Variants in RANBP6 observed in about 807,000 individuals in gnomAD.
RANBP6 encodes RAN binding protein 6, also known as ran-binding protein 6.
In RANBP6, 10 loss-of-function variants were observed where a neutral mutation model predicts 35.3. The observed-to-expected ratio is 0.28, with a 90% confidence interval of 0.17 to 0.48. RANBP6 has a LOEUF of 0.48. RANBP6 is among the 20% of genes least tolerant of loss of function. The pLI is 0.99. For synonymous variants in RANBP6, 514 were observed against 464.2 expected, an observed-to-expected ratio of 1.11 and a Z score of -1.38; for missense variants, 1,392 against 1,307.7, an observed-to-expected ratio of 1.06 and a Z score of -0.99.
At position 6,013,331 on chromosome 9, in the gene RANBP6, G is replaced by A; in HGVS notation, c.2277C>T (p.Asp759=). 6.2e-7 allele frequency: 1 copy of A among 1,614,106 alleles called. No homozygotes were observed. The highest frequency in any genetic ancestry group is 8.5e-7 in the Non-Finnish European group (1 of 1,179,988). Residue 759 remains aspartate, a synonymous_variant, in exon 1 of 1, where the codon GAC becomes GAT. Coordinates refer to ENST00000259569, the MANE Select transcript of RANBP6 (RefSeq NM_012416.4). ...YLAQMWQFIC[D]PLIKAIGTEP... ...CAGTACCAATAGCCTTGATTAAGGGGTCACATATGAATTGCCACATCTGTG... is the reference window on the plus strand; with the variant it reads ...CAGTACCAATAGCCTTGATTAAGGGATCACATATGAATTGCCACATCTGTG...
chr9:6,014,513 T>C lies in RANBP6; in HGVS notation c.1095A>G (p.Pro365=), dbSNP rs1842538798. 1 of 1,614,200 alleles carries C rather than the reference T, an allele frequency of 6.2e-7. No individual in the cohort carries two copies. Among genetic ancestry groups the C allele is most frequent in the Non-Finnish European group, 8.5e-7 (1 of 1,180,030 alleles). Reference sequence around the variant, plus strand: ...TCTGCATGATATGCTCCTTGGTCATTGGTAAAACAACTTTTCCACCAAGCC... The same window carrying C: ...TCTGCATGATATGCTCCTTGGTCATCGGTAAAACAACTTTTCCACCAAGCC... ...ACGLGGKVVL[P]MTKEHIMQML... Residue 365 remains proline (P), a synonymous_variant, in exon 1 of 1, where the codon CCA becomes CCG. Transcript: ENST00000259569.
At position 6,015,305 on chromosome 9, in the gene RANBP6, C is replaced by G; in HGVS notation, c.303G>C (p.Leu101=). Residue 101 remains leucine (L), a synonymous_variant, in exon 1 of 1, where the codon CTG becomes CTC. Transcript: ENST00000259569. ...GTGTTTCTAACTTAACAGCCAGAATCAGTTCAATCTTGACATCTCTCTGAA... is the reference window on the plus strand; with the variant it reads ...GTGTTTCTAACTTAACAGCCAGAATGAGTTCAATCTTGACATCTCTCTGAA... ...ADVQRDVKIE[L]ILAVKLETHA... The G allele has an allele frequency of 6.2e-7, 1 of 1,614,212 alleles. No individual in the cohort carries two copies. The highest frequency in any genetic ancestry group is 8.5e-7 in the Non-Finnish European group (1 of 1,180,048).
chr9:6,014,580 T>C lies in RANBP6; in HGVS notation c.1028A>G (p.Asn343Ser). The change falls in exon 1 of 1, where the codon AAT (asparagine) becomes AGT (serine). Residue 343 changes from asparagine to serine, a missense_variant. Physicochemically the swap from Asn to Ser is conservative, Grantham distance 46 (BLOSUM62 1). Coordinates refer to ENST00000259569, the MANE Select transcript of RANBP6 (RefSeq NM_012416.4). ...TAGTGCACTCTCCGCAGCAACTGCATTGCTGTCAAAATCATCTTCTTCCAT... is the reference window on the plus strand; with the variant it reads ...TAGTGCACTCTCCGCAGCAACTGCACTGCTGTCAAAATCATCTTCTTCCAT... ...DEMEEDDFDS[N>S]AVAAESALDR... The C allele has an allele frequency of 6.2e-7, 1 of 1,614,220 alleles. No individual in the cohort carries two copies. Among genetic ancestry groups the C allele is most frequent in the Non-Finnish European group, 8.5e-7 (1 of 1,180,044 alleles).
At position 6,012,534 on chromosome 9, in the gene RANBP6, C is replaced by G; in HGVS notation, c.3074G>C (p.Cys1025Ser). Reference protein sequence around the residue: ...EEAIQTLSFLCDLIESNHPVV... With the variant: ...EEAIQTLSFLSDLIESNHPVV... ...TGGGTGGTTACTTTCAATTAGGTCA[C>G]AGAGAAAACTCAAAGTCTGAATAGC... The change falls in exon 1 of 1, where the codon TGT (cysteine) becomes TCT (serine). Residue 1025 changes from cysteine to serine, a missense_variant. Coordinates refer to ENST00000259569, the MANE Select transcript of RANBP6 (RefSeq NM_012416.4). 1 of 1,613,090 alleles carries G rather than the reference C, an allele frequency of 6.2e-7. No homozygotes were observed. The highest frequency in any genetic ancestry group is 8.5e-7 in the Non-Finnish European group (1 of 1,179,666).
Position 6,013,948 on chromosome 9 carries a change from C to T in RANBP6, c.1660G>A (p.Val554Ile), listed in dbSNP as rs1404247317. The T allele has an allele frequency of 6.2e-7, 1 of 1,613,908 alleles. No homozygotes were observed. Among genetic ancestry groups the T allele is most frequent in the South Asian group, 1.1e-5 (1 of 91,082 alleles). The part of the protein sequence containing the change: ...PSLKHIVELA[V>I]QKELKLLRGK... ...CTCAGAAGCTTGAGTTCCTTCTGAA[C>T]AGCAAGCTCAACAATGTGCTTTAGT... is the stretch of plus-strand genomic sequence containing the variant. The change falls in exon 1 of 1, where the codon GTT (valine) becomes ATT (isoleucine). Residue 554 changes from valine (V) to isoleucine (I), a missense_variant. Val to Ile is a conservative substitution (Grantham distance 29). Transcript: ENST00000259569.
At position 6,013,867 on chromosome 9, in the gene RANBP6, A is replaced by T. The variant is rs1161004794; in HGVS notation, c.1741T>A (p.Phe581Ile). Residue 581 changes from phenylalanine to isoleucine, a missense_variant, in exon 1 of 1, where the codon TTT (phenylalanine) becomes ATT (isoleucine). Transcript: ENST00000259569. ...HIGLAVGKEK[F>I]MQDASNVMQL... is the part of the protein sequence containing the mutation. ...ATCACATTTGATGCATCTTGCATAAATTTTTCCTTCCCAACAGCAAGACCA... is the reference window on the plus strand; with the variant it reads ...ATCACATTTGATGCATCTTGCATAATTTTTTCCTTCCCAACAGCAAGACCA... 1 of 1,613,696 alleles carries T rather than the reference A, an allele frequency of 6.2e-7. No homozygotes were observed. Among genetic ancestry groups the T allele is most frequent in the East Asian group, 2.2e-5 (1 of 44,886 alleles).
Position 6,012,419 on chromosome 9 carries a change from A to C in RANBP6, c.3189T>G (p.Asp1063Glu). 1 of 1,614,024 alleles carries C rather than the reference A, an allele frequency of 6.2e-7. No individual in the cohort carries two copies. Among genetic ancestry groups the C allele is most frequent in the Non-Finnish European group, 8.5e-7 (1 of 1,179,932 alleles). Residue 1063 changes from aspartate to glutamate, a missense_variant, in exon 1 of 1, where the codon GAT (aspartate) becomes GAG (glutamate). By Grantham distance (45) the Asp-to-Glu change is conservative (BLOSUM62 2). Transcript: ENST00000259569. Reference sequence around the variant, plus strand: ...CATTAGCTAGGCGTTTGGCACAAGGATCCTCATAGTTAATAGTCTCATTAA... The same window carrying C: ...CATTAGCTAGGCGTTTGGCACAAGGCTCCTCATAGTTAATAGTCTCATTAA... ...GKINETINYE[D>E]PCAKRLANVV...
Position 6,011,651 on chromosome 9 carries a change from G to A in RANBP6, c.*639C>T, listed in dbSNP as rs1842473187. On this transcript the variant is annotated 3_prime_UTR_variant, in exon 1 of 1. Coordinates refer to ENST00000259569, the MANE Select transcript of RANBP6 (RefSeq NM_012416.4). ...GTCCTGGATAACTTAAAAAAATAGAGACCTGTCTGGCTAAAGAAATTTAAA... is the reference window on the plus strand; with the variant it reads ...GTCCTGGATAACTTAAAAAAATAGAAACCTGTCTGGCTAAAGAAATTTAAA... 6.6e-6 allele frequency: 1 copy of A among 152,122 alleles called. No individual in the cohort carries two copies. Among genetic ancestry groups the A allele is most frequent in the Non-Finnish European group, 1.5e-5 (1 of 68,022 alleles). 9.4% of individuals were successfully genotyped at this position (152,122 alleles called of 1,614,324 possible).
rs370481663 is a variant in RANBP6 at position 6,014,717 on chromosome 9, A to C, written c.891T>G (p.Thr297=). 77 of 1,614,076 alleles carry C rather than the reference A, an allele frequency of 4.8e-5. No individual in the cohort carries two copies. Among genetic ancestry groups the C allele is most frequent in the Middle Eastern group, 3.3e-4 (2 of 6,084 alleles). The change falls in exon 1 of 1, where the codon ACT becomes ACG. Residue 297 remains threonine, a synonymous_variant. Coordinates refer to ENST00000259569, the MANE Select transcript of RANBP6 (RefSeq NM_012416.4). ...TATGTTTTTTCAACATCGGAGTGGC[A>C]GTTTCAGACAAGGTCACTATAACTT... is the stretch of plus-strand genomic sequence containing the variant. The part of the protein sequence containing the change: ...ALEVIVTLSE[T]ATPMLKKHTN...
rs1231494822 is a variant in RANBP6, at chr9:6,012,823, C to A, written c.2785G>T (p.Val929Phe). 2 of 1,614,104 alleles carry A rather than the reference C, an allele frequency of 1.2e-6. No individual in the cohort carries two copies. Residue 929 changes from valine (V) to phenylalanine (F), a missense_variant, in exon 1 of 1, where the codon GTC (valine) becomes TTC (phenylalanine). Transcript: ENST00000259569. ...LLNMRDNNPE[V>F]RQAAAYGLGV... ...AGGCCATAAGCAGCAGCTTGCCTGA[C>A]TTCAGGGTTGTTATCTCGCATATTT... is the stretch of plus-strand genomic sequence containing the variant.
Position 6,014,599 on chromosome 9 carries a change from C to T in RANBP6, c.1009G>A (p.Glu337Lys). The T allele has an allele frequency of 6.2e-7, 1 of 1,614,206 alleles. No homozygotes were observed. The highest frequency in any genetic ancestry group is 1.1e-5 in the South Asian group (1 of 91,086). Residue 337 changes from glutamate (E) to lysine (K), a missense_variant, in exon 1 of 1, where the codon GAA becomes AAA. Coordinates refer to ENST00000259569, the MANE Select transcript of RANBP6 (RefSeq NM_012416.4). Reference protein sequence around the residue: ...EDWVNADEMEEDDFDSNAVAA... With the variant: ...EDWVNADEMEKDDFDSNAVAA... The stretch of plus-strand genomic sequence containing the variant: ...ACTGCATTGCTGTCAAAATCATCTT[C>T]TTCCATTTCATCAGCATTTACCCAG...
rs1028849903 is a variant in RANBP6, at chr9:6,015,522, G to A, written c.86C>T (p.Pro29Leu). Residue 29 changes from proline (P) to leucine (L), a missense_variant, in exon 1 of 1, where the codon CCA becomes CTA. Physicochemically the swap from Pro to Leu is moderately conservative, Grantham distance 98. Coordinates refer to ENST00000259569, the MANE Select transcript of RANBP6 (RefSeq NM_012416.4). ...FYQLLKNLIN[P>L]SCMVRRQAEE... ...TGCTTGCCTCCGCACCATACAGCTT[G>A]GATTGATCAGGTTCTTCAGAAGCTG... The A allele has an allele frequency of 2.0e-5, 33 of 1,613,046 alleles. No homozygotes were observed. Among genetic ancestry groups the A allele is most frequent in the Non-Finnish European group, 2.5e-5 (30 of 1,180,032 alleles).
chr9:6,013,277 T>A lies in RANBP6; in HGVS notation c.2331A>T (p.Ile777=), dbSNP rs541222073. 32 of 1,614,196 alleles carry A rather than the reference T, an allele frequency of 2.0e-5. No homozygotes were observed. In the East Asian group the frequency reaches 6.7e-4, roughly 34 times the overall value. The stretch of plus-strand genomic sequence containing the variant: ...CAATGGACTTTGCAAAAGAATTCAT[T>A]ATTTCTGAGAGCACATCTGTATCTG... The part of the protein sequence containing the change: ...TEPDTDVLSE[I]MNSFAKSIEV... Residue 777 remains isoleucine, a synonymous_variant, in exon 1 of 1, where the codon ATA becomes ATT. Transcript: ENST00000259569.
Position 6,012,225 on chromosome 9 carries a change from C to T in RANBP6, c.*65G>A. On this transcript the variant is annotated 3_prime_UTR_variant, in exon 1 of 1. Coordinates refer to ENST00000259569, the MANE Select transcript of RANBP6 (RefSeq NM_012416.4). Reference sequence around the variant, plus strand: ...ACAGTTCTCTGATTTATAATAAAATCTATTCACAACACTTATTTGTAGTTA... The same window carrying T: ...ACAGTTCTCTGATTTATAATAAAATTTATTCACAACACTTATTTGTAGTTA... 1.7e-6 allele frequency: 2 copies of T among 1,188,156 alleles called. No homozygotes were observed. Among genetic ancestry groups the T allele is most frequent in the Non-Finnish European group, 2.3e-6 (2 of 871,276 alleles). The allele number at this position is 1,188,156 out of a possible 1,614,324, so 73.6% of individuals were successfully genotyped here. A position where few individuals can be genotyped will look rare whatever the true frequency, so the allele number is the denominator to read the frequency against.
chr9:6,012,719 A>T lies in RANBP6; in HGVS notation c.2889T>A (p.Ile963=). Reference sequence around the variant, plus strand: ...TTTTGGTTTTGGAATTTGCACACTTAATAACTTTTACCAGAAGTGGAACAG... The same window carrying T: ...TTTTGGTTTTGGAATTTGCACACTTTATAACTTTTACCAGAAGTGGAACAG... ...SEAVPLLVKV[I]KCANSKTKKN... The change falls in exon 1 of 1, where the codon ATT becomes ATA. Residue 963 remains isoleucine (I), a synonymous_variant. Coordinates refer to ENST00000259569, the MANE Select transcript of RANBP6 (RefSeq NM_012416.4). 1 of 1,614,142 alleles carries T rather than the reference A, an allele frequency of 6.2e-7. No individual in the cohort carries two copies. Among genetic ancestry groups the T allele is most frequent in the Non-Finnish European group, 8.5e-7 (1 of 1,180,020 alleles).
In RANBP6 at chr9:6,012,259, A is replaced by C; in HGVS notation, c.*31T>G. 1 of 1,408,656 alleles carries C rather than the reference A, an allele frequency of 7.1e-7. No individual in the cohort carries two copies. Among genetic ancestry groups the C allele is most frequent in the Non-Finnish European group, 9.5e-7 (1 of 1,049,082 alleles). 87.3% of individuals were successfully genotyped at this position (1,408,656 alleles called of 1,614,324 possible). On this transcript the variant is annotated 3_prime_UTR_variant, in exon 1 of 1. Transcript: ENST00000259569. ...ACACTTATTTGTAGTTACTTTTATAATAGATAATATTCAAGTTATATTAAA... is the reference window on the plus strand; with the variant it reads ...ACACTTATTTGTAGTTACTTTTATACTAGATAATATTCAAGTTATATTAAA...
chr9:6,014,562 C>T lies in RANBP6; in HGVS notation c.1046G>A (p.Ser349Asn). ...DFDSNAVAAE[S>N]ALDRLACGLG... ...CCCACAAGCCAGTCTGTCTAGTGCA[C>T]TCTCCGCAGCAACTGCATTGCTGTC... The change falls in exon 1 of 1, where the codon AGT becomes AAT. Residue 349 changes from serine (S) to asparagine (N), a missense_variant. Coordinates refer to ENST00000259569, the MANE Select transcript of RANBP6 (RefSeq NM_012416.4). 1 of 1,614,222 alleles carries T rather than the reference C, an allele frequency of 6.2e-7. No homozygotes were observed. Among genetic ancestry groups the T allele is most frequent in the Non-Finnish European group, 8.5e-7 (1 of 1,180,040 alleles).
Position 6,014,736 on chromosome 9 carries a change from A to C in RANBP6, c.872T>G (p.Ile291Arg), listed in dbSNP as rs375333354. The C allele has an allele frequency of 6.2e-7, 1 of 1,614,180 alleles. No homozygotes were observed. The highest frequency in any genetic ancestry group is 8.5e-7 in the Non-Finnish European group (1 of 1,180,042). The change falls in exon 1 of 1, where the codon ATA becomes AGA. Residue 291 changes from isoleucine (I) to arginine (R), a missense_variant. Coordinates refer to ENST00000259569, the MANE Select transcript of RANBP6 (RefSeq NM_012416.4). Reference protein sequence around the residue: ...NLQRQLALEVIVTLSETATPM... With the variant: ...NLQRQLALEVRVTLSETATPM... ...AGTGGCAGTTTCAGACAAGGTCACT[A>C]TAACTTCGAGGGCCAGCTGGCGCTG...
rs1183484056 is a variant in RANBP6 at position 6,015,309 on chromosome 9, T to A, written c.299A>T (p.Glu100Val). 2 of 1,614,114 alleles carry A rather than the reference T, an allele frequency of 1.2e-6. No individual in the cohort carries two copies. Among genetic ancestry groups the A allele is most frequent in the African/African-American group, 2.7e-5 (2 of 74,942 alleles). ...TTCTAACTTAACAGCCAGAATCAGT[T>A]CAATCTTGACATCTCTCTGAACATC... ...PADVQRDVKI[E>V]LILAVKLETH... The change falls in exon 1 of 1, where the codon GAA becomes GTA. Residue 100 changes from glutamate to valine, a missense_variant. By Grantham distance (121) the Glu-to-Val change is moderately radical (BLOSUM62 -2). Coordinates refer to ENST00000259569, the MANE Select transcript of RANBP6 (RefSeq NM_012416.4).
Sources: allele counts gnomAD v4.1 joint callset, GRCh38; gene constraint gnomAD v4.1.1; transcripts MANE v1.5; gene names NCBI Gene and HGNC (gene_info 2026-07-23, HGNC 2026-07-21).